PAM: variants seen among roughly 807,000 people sequenced by gnomAD.
PAM encodes peptidylglycine alpha-amidating monooxygenase, also known as peptidyl-glycine alpha-amidating monooxygenase.
In PAM, 72 loss-of-function variants were observed where a neutral mutation model predicts 122.1. That is an observed-to-expected ratio of 0.59 (90% CI 0.49 to 0.72). PAM has a LOEUF of 0.72. Among genes scored for constraint, PAM ranks in the 30% least tolerant of loss-of-function variants. The pLI is 0.00. For synonymous variants in PAM, 389 were observed against 404.4 expected (o/e 0.96, Z 0.46); for missense variants, 1,106 against 1,183.7 (o/e 0.93, Z 0.96).
intron 15 of PAM, among the ~76,000 whole-genome samples, chr5:102,978,759 T>C (rs554048823): frequency 6.6e-6 from 1 of 152,036 alleles, no homozygotes; most frequent in Non-Finnish European, 1.5e-5. Context: ...TAGGTTCAAG[T>C]CTTGCAGAAT....
At chr5:102,756,953 A>G (rs1750577736) in intron 1 of PAM, among the ~76,000 whole-genome samples, 3 of 152,348 alleles carry the variant, frequency 2.0e-5, no homozygotes, top group African/African-American at 7.2e-5. Flanking sequence ...GTTTTATTTC[A>G]TATTTTTATA....
Position 102,990,328 on chromosome 5 carries a change from G to A in PAM, c.1540G>A (p.Val514Ile), listed in dbSNP as rs201041480. 24 of 1,609,424 alleles carry A rather than the reference G, an allele frequency of 1.5e-5. No individual in the cohort carries two copies. Among genetic ancestry groups the A allele is most frequent in the African/African-American group, 4.0e-5 (3 of 74,808 alleles). ...WPGVYLLPGQ[V>I]SGVALDPKNN... is the part of the protein sequence containing the mutation. ...TGGAGTATACTTGTTACCAGGCCAG[G>A]TTTCTGGGGTGGCTCTAGACCCTAA... Residue 514 changes from valine (V) to isoleucine (I), a missense_variant, in exon 16 of 26, where the codon GTT (valine) becomes ATT (isoleucine). By Grantham distance (29) the Val-to-Ile change is conservative. Coordinates refer to ENST00000438793, the MANE Select transcript of PAM (RefSeq NM_001177306.2).
intron 16 of PAM, among the ~76,000 whole-genome samples, chr5:102,995,884 C>G (rs1775556148): frequency 6.6e-6 from 1 of 151,610 alleles, no homozygotes; most frequent in African/African-American, 2.4e-5. Context: ...GAGTCTCTGG[C>G]CTTTGTATAT....
intron 17 of PAM, among the ~76,000 whole-genome samples, chr5:103,003,471 T>C (rs1175895603): frequency 6.6e-6 from 1 of 152,162 alleles, no homozygotes; most frequent in Non-Finnish European, 1.5e-5. Context: ...ACCTCAAAAA[T>C]GTTAGGTATT....
At chr5:102,933,211 T>A (rs1359664162) in intron 7 of PAM, among the ~76,000 whole-genome samples, 1 of 152,244 alleles carries the variant, frequency 6.6e-6, no homozygotes, top group Non-Finnish European at 1.5e-5. Flanking sequence ...GTTCTAAATT[T>A]ATGTGTTAGA....
chr5:102,778,040 G>T (rs1405285573), intron 1 of PAM, among the ~76,000 whole-genome samples: 2 of 152,092 alleles, frequency 1.3e-5, no homozygotes, highest in Admixed American at 6.5e-5. Flanking sequence ...GCCGTCTTGG[G>T]GTTAGCCTGC....
intron 14 of PAM, among the ~76,000 whole-genome samples, chr5:102,969,040 A>G (rs1331042573): frequency 2.0e-5 from 3 of 152,066 alleles, no homozygotes; most frequent in Non-Finnish European, 4.4e-5. Context: ...GTGAACAATG[A>G]GAACACTTGG....
At chr5:102,998,863 G>A (rs571087079) in intron 16 of PAM, among the ~76,000 whole-genome samples, 4 of 152,264 alleles carry the variant, frequency 2.6e-5, no homozygotes, top group African/African-American at 7.2e-5. Context: ...AATGAGGAAT[G>A]TGAGACTTAA....
chr5:103,007,001 G>A lies in PAM; in HGVS notation c.2004G>A (p.Gln668=). The A allele has an allele frequency of 6.2e-7, 1 of 1,610,452 alleles. No homozygotes were observed. Among genetic ancestry groups the A allele is most frequent in the South Asian group, 1.1e-5 (1 of 90,792 alleles). Residue 668 remains glutamine, a synonymous_variant, in exon 19 of 26, where the codon CAG becomes CAA. Coordinates refer to ENST00000438793, the MANE Select transcript of PAM (RefSeq NM_001177306.2). ...CACCAAGTGGAAAGTTCATCACACA[G>A]TGGGGAGAAGGTACCCAATAAGACT... ...QFSPSGKFIT[Q]WGEESSGSSP...
chr5:102,954,695 G>A (rs1022143454), intron 12 of PAM, among the ~76,000 whole-genome samples: 21 of 151,938 alleles, frequency 1.4e-4, no homozygotes, highest in Admixed American at 9.2e-4. Flanking sequence ...CTCTAAATTC[G>A]TTTCAAATGT....
intron 1 of PAM, among the ~76,000 whole-genome samples, chr5:102,777,155 G>A (rs548590760): frequency 1.5e-4 from 23 of 152,080 alleles, no homozygotes; most frequent in African/African-American, 5.5e-4. Context: ...AATAAAAATG[G>A]GTAATATAAA....
intron 17 of PAM, 47 bp downstream of exon 17, chr5:103,003,196 A>T: frequency 1.2e-6 from 1 of 860,730 alleles, no homozygotes; most frequent in Non-Finnish European, 2.0e-6. Context: ...ACATATATTG[A>T]GTATAAAGTG....
At chr5:102,982,749 T>C (rs1770344290) in intron 15 of PAM, among the ~76,000 whole-genome samples, 1 of 152,056 alleles carries the variant, frequency 6.6e-6, no homozygotes, top group Non-Finnish European at 1.5e-5. Flanking sequence ...ACCCAATCTA[T>C]AAAACTGGAA....
chr5:102,894,402 C>G (rs994074752), intron 3 of PAM, among the ~76,000 whole-genome samples: 3 of 151,636 alleles, frequency 2.0e-5, no homozygotes, highest in African/African-American at 7.3e-5. Flanking sequence ...TAAAACTTCT[C>G]TTTCTTTGTC....
chr5:102,771,788 G>A (rs1335398155), intron 1 of PAM, among the ~76,000 whole-genome samples: 1 of 152,090 alleles, frequency 6.6e-6, no homozygotes, highest in African/African-American at 2.4e-5. Context: ...ATAATGTTTT[G>A]TAATGGTTTG....
intron 1 of PAM, among the ~76,000 whole-genome samples, chr5:102,845,930 A>G (rs1317182165): frequency 6.6e-6 from 1 of 152,186 alleles, no homozygotes; most frequent in African/African-American, 2.4e-5. Context: ...ATCATATACT[A>G]GCTCACATTT....
At chr5:102,920,637 G>T (rs1747103162) in intron 5 of PAM, among the ~76,000 whole-genome samples, 1 of 152,078 alleles carries the variant, frequency 6.6e-6, no homozygotes, top group South Asian at 2.1e-4. Flanking sequence ...AATGCATTTT[G>T]AAAGGTAAGG....
chr5:102,822,581 A>G (rs1772327336), intron 1 of PAM, among the ~76,000 whole-genome samples: 1 of 152,032 alleles, frequency 6.6e-6, no homozygotes, highest in Non-Finnish European at 1.5e-5. Context: ...CATCAACCTT[A>G]TAATGAAATG....
intron 1 of PAM, among the ~76,000 whole-genome samples, chr5:102,828,966 C>G (rs1273932412): frequency 1.4e-5 from 2 of 140,540 alleles, no homozygotes; most frequent in Non-Finnish European, 3.0e-5. Flanking sequence ...ATTGCCTAGG[C>G]TGGTCTCAAA....
Sources: allele counts gnomAD v4.1 joint callset (sites outside exome capture counted in the v4.1 genomes callset), GRCh38; gene constraint gnomAD v4.1.1; transcripts MANE v1.5; gene names NCBI Gene and HGNC (gene_info 2026-07-23, HGNC 2026-07-21).